Variants in SCP2 observed in about 807,000 individuals in gnomAD.
The protein encoded by SCP2 is SCP-2/3-oxoacyl-CoA thiolase.
Under a neutral mutation model 71.4 loss-of-function variants are expected in SCP2, and 48 were observed. The observed-to-expected ratio is 0.67, with a 90% CI of 0.53 to 0.86. The LOEUF (loss-of-function observed/expected upper bound fraction) is 0.86, where lower values mean the gene tolerates loss of function less well. Among genes scored for constraint, SCP2 ranks in the 40% least tolerant of loss-of-function variants. SCP2 has a pLI of 0.00. For synonymous variants in SCP2, 220 were observed against 218.1 expected (o/e 1.01, Z -0.08); for missense variants, 560 against 655.6 (o/e 0.85, Z 1.59).
At chr1:53,026,580 G>T (rs373347080) in intron 12 of SCP2, among the ~76,000 whole-genome samples, 10 of 152,208 alleles carry the variant, frequency 6.6e-5, no homozygotes, top group African/African-American at 2.4e-4. Context: ...GGCCAATGTG[G>T]GAGGATCGAT....
intron 6 of SCP2, among the ~76,000 whole-genome samples, chr1:52,970,676 T>C (rs1241561224): frequency 6.6e-6 from 1 of 152,118 alleles, no homozygotes; most frequent in East Asian, 1.9e-4. Flanking sequence ...GAGGAGGTCT[T>C]TCTTTTCTTG....
Position 52,941,778 on chromosome 1 carries a change from C to G in SCP2, c.70-18C>G. ...AACTATACTTGTTTGTATTTATTAT[C>G]TCTTTCTATATCTCTAGTTTGTGAA... is the stretch of plus-strand genomic sequence containing the variant. On this transcript the variant is annotated intron_variant, in intron 1 of 15. Transcript: ENST00000371514. 6.6e-7 allele frequency: 1 copy of G among 1,518,198 alleles called. No homozygotes were observed. Among genetic ancestry groups the G allele is most frequent in the Non-Finnish European group, 9.1e-7 (1 of 1,093,912 alleles). 94.0% of individuals were successfully genotyped at this position (1,518,198 alleles called of 1,614,324 possible). A position where few individuals can be genotyped will look rare whatever the true frequency, so the allele number is the denominator to read the frequency against.
chr1:53,013,511 C>A (rs565539277), intron 11 of SCP2, among the ~76,000 whole-genome samples: 1 of 151,304 alleles, frequency 6.6e-6, no homozygotes, highest in African/African-American at 2.4e-5. Flanking sequence ...AGGAGAATCG[C>A]TGGAACCTGG....
chr1:52,927,941 T>C (rs1219094475), intron 1 of SCP2, among the ~76,000 whole-genome samples: 1 of 152,194 alleles, frequency 6.6e-6, no homozygotes, highest in Non-Finnish European at 1.5e-5. Context: ...CAGTGACTGC[T>C]TGGGACCCGG....
chr1:52,979,655 AATG>A (rs1220551537), intron 9 of SCP2, among the ~76,000 whole-genome samples: 1 of 152,178 alleles, frequency 6.6e-6, no homozygotes, highest in Non-Finnish European at 1.5e-5. Flanking sequence ...TCTGACTCAT[AATG>A]ATCTGGTAAT....
intron 5 of SCP2, among the ~76,000 whole-genome samples, chr1:52,959,440 C>T (rs997260933): frequency 6.6e-6 from 1 of 152,124 alleles, no homozygotes; most frequent in South Asian, 2.1e-4. Flanking sequence ...GGTGATCCAC[C>T]CGCCTCGACC....
intron 13 of SCP2, among the ~76,000 whole-genome samples, chr1:53,037,790 C>T (rs1228755723): frequency 6.6e-6 from 1 of 151,712 alleles, no homozygotes; most frequent in Non-Finnish European, 1.5e-5. Flanking sequence ...CCCTGTATCC[C>T]AGCACTTTGA....
chr1:53,004,337 C>CT (rs536097606), intron 11 of SCP2, among the ~76,000 whole-genome samples: 15 of 152,020 alleles, frequency 9.9e-5, no homozygotes, highest in Non-Finnish European at 1.6e-4. Context: ...CTGTATTTTA[C>CT]TTTTTTTTGA....
intron 14 of SCP2, among the ~76,000 whole-genome samples, chr1:53,044,042 G>T (rs1663616818): frequency 6.6e-6 from 1 of 151,894 alleles, no homozygotes; most frequent in Non-Finnish European, 1.5e-5. Context: ...GGCATACTAT[G>T]CTTTAACAGT....
chr1:52,951,311 G>T (rs1241738810), intron 4 of SCP2, among the ~76,000 whole-genome samples: 1 of 151,606 alleles, frequency 6.6e-6, no homozygotes, highest in Non-Finnish European at 1.5e-5. Context: ...CAAAAAAAAG[G>T]CTTTATCAGC....
At chr1:52,967,040 A>G (rs138130917) in intron 6 of SCP2, among the ~76,000 whole-genome samples, 1,543 of 152,050 alleles carry the variant, frequency 0.01, 29 homozygotes, top group African/African-American at 0.034. Flanking sequence ...ATACAAAAAA[A>G]TTAGTCAGGC....
chr1:52,969,973 T>C (rs979653570), intron 6 of SCP2, among the ~76,000 whole-genome samples: 5 of 152,248 alleles, frequency 3.3e-5, no homozygotes, highest in African/African-American at 4.8e-5. Flanking sequence ...CATTCATTTA[T>C]TCTTATTAAT....
intron 6 of SCP2, among the ~76,000 whole-genome samples, chr1:52,971,816 T>C (rs1461669496): frequency 1.3e-5 from 2 of 152,190 alleles, no homozygotes; most frequent in African/African-American, 4.8e-5. Flanking sequence ...TCAAACAAGA[T>C]AGGTCAGATA....
In SCP2 at chr1:52,941,833, C is replaced by T; in HGVS notation, c.107C>T (p.Pro36Leu). Residue 36 changes from proline (P) to leucine (L), a missense_variant, in exon 2 of 16, where the codon CCT (proline) becomes CTT (leucine). Physicochemically the swap from Pro to Leu is moderately conservative, Grantham distance 98 (BLOSUM62 -3). This residue lies in a region of SCP2 where 513 missense variants were observed against 573.1 expected (regional missense o/e 0.90). Coordinates refer to ENST00000371514, the MANE Select transcript of SCP2 (RefSeq NM_002979.5). ...GGAGCTGAGAATTCAAGAGACTACCCTGACTTGGCAGAAGAAGCAGGTAAC... is the reference window on the plus strand; with the variant it reads ...GGAGCTGAGAATTCAAGAGACTACCTTGACTTGGCAGAAGAAGCAGGTAAC... ...KPGAENSRDY[P>L]DLAEEAGKKA... is the part of the protein sequence containing the mutation. The T allele has an allele frequency of 6.2e-7, 1 of 1,607,402 alleles. No homozygotes were observed. The highest frequency in any genetic ancestry group is 8.5e-7 in the Non-Finnish European group (1 of 1,173,858).
intron 6 of SCP2, 77 bp from the exon 7 acceptor site, chr1:52,974,692 C>G: frequency 1.2e-6 from 1 of 800,388 alleles, no homozygotes; most frequent in South Asian, 1.3e-5. Flanking sequence ...TAGCAGAACA[C>G]TGAGTACCAT....
rs369015322 is a variant in SCP2, at chr1:53,007,841, C to G, written c.1082-7049C>G. On this transcript the variant is annotated intron_variant, in intron 11 of 15. Transcript: ENST00000371514. ...TTCAAAAAATCAATGAATCCAGGAG[C>G]TGGTTTTTTGAAGCGATCAACAAAA... Among the ~76,000 whole-genome samples the G allele has an allele frequency of 3.9e-5, 6 of 152,186 alleles. No individual in the cohort carries two copies. In the East Asian group the frequency reaches 1.2e-3, roughly 29 times the overall value.
Position 53,012,016 on chromosome 1 carries a change from C to A in SCP2, c.1082-2874C>A, listed in dbSNP as rs1661017040. ...TCCCCACCAAGGCCAGCCGTAGAAA[C>A]TAGAATCCCTCTTCCTCAAGGCAGA... On this transcript the variant is annotated intron_variant, in intron 11 of 15. Transcript: ENST00000371514. 2.6e-5 allele frequency among the ~76,000 whole-genome samples: 4 copies of A among 152,332 alleles called. No homozygotes were observed. In the South Asian group the frequency reaches 8.3e-4, roughly 32 times the overall value.
chr1:52,995,686 C>A lies in SCP2; in HGVS notation c.1081+7550C>A, dbSNP rs374798165. 1.1e-5 allele frequency: 8 copies of A among 731,208 alleles called. 1 individual carries two copies. In the South Asian group the frequency reaches 1.1e-4, roughly 10 times the overall value. 45.3% of individuals were successfully genotyped at this position (731,208 alleles called of 1,614,324 possible). ...TGGATGTCCATGAGCAGTTGCTCAA[C>A]GTGCAGAACCAGAACAGCAGCTACT... On this transcript the variant is annotated intron_variant, in intron 11 of 15. Transcript: ENST00000371514.
At chr1:53,032,071 T>C (rs545043007) in intron 13 of SCP2, among the ~76,000 whole-genome samples, 48 of 152,216 alleles carry the variant, frequency 3.2e-4, no homozygotes, top group Non-Finnish European at 4.0e-4. Context: ...CTCTCCTATA[T>C]TATTTCTACA....
Sources: allele counts gnomAD v4.1 joint callset (sites outside exome capture counted in the v4.1 genomes callset), GRCh38; gene constraint gnomAD v4.1.1; regional missense constraint gnomAD v4.1.1; transcripts MANE v1.5; gene names NCBI Gene and HGNC (gene_info 2026-07-23, HGNC 2026-07-21).